PSMD12: variants seen among roughly 807,000 people sequenced by gnomAD.
The protein encoded by PSMD12 is 26S proteasome non-ATPase regulatory subunit 12.
Under a neutral mutation model 62.9 loss-of-function variants are expected in PSMD12, and 8 were observed. That is an observed-to-expected ratio of 0.13 (90% CI 0.07 to 0.23). The LOEUF is 0.23. PSMD12 is among the 10% of genes least tolerant of loss of function. The probability of loss-of-function intolerance (pLI) is 1.00; values close to 1 mark genes in which losing one functional copy is unlikely to be tolerated. For synonymous variants in PSMD12, 173 were observed against 187.4 expected (o/e 0.92, Z 0.63); for missense variants, 424 against 550.2 (o/e 0.77, Z 2.29).
chr17:67,362,427 C>A (rs1322279486), intron 1 of PSMD12, among the ~76,000 whole-genome samples: 6 of 152,156 alleles, frequency 3.9e-5, no homozygotes, highest in South Asian at 4.1e-4. Flanking sequence ...GTAATCCCAG[C>A]ATTCTGGGAG....
intron 3 of PSMD12, among the ~76,000 whole-genome samples, chr17:67,351,913 A>G (rs1567956602): frequency 6.6e-6 from 1 of 151,628 alleles, no homozygotes. Context: ...TCTGGCCAAC[A>G]TGGCAAAACC....
At position 67,345,779 on chromosome 17, in the gene PSMD12, C is replaced by G. The variant is rs199855819; in HGVS notation, c.874G>C (p.Gly292Arg). The G allele has an allele frequency of 6.2e-7, 1 of 1,612,746 alleles. No individual in the cohort carries two copies. Among genetic ancestry groups the G allele is most frequent in the Non-Finnish European group, 8.5e-7 (1 of 1,179,174 alleles). The change falls in exon 8 of 11, where the codon GGT becomes CGT. Residue 292 changes from glycine (G) to arginine (R), a missense_variant. Physicochemically the swap from Gly to Arg is moderately radical, Grantham distance 125. Coordinates refer to ENST00000356126, the MANE Select transcript of PSMD12 (RefSeq NM_002816.5). Reference sequence around the variant, plus strand: ...GGAATTTCTTCTAACTTCTTGTCACCACTTATTCGGTGAACCAAATCTGAC... The same window carrying G: ...GGAATTTCTTCTAACTTCTTGTCACGACTTATTCGGTGAACCAAATCTGAC... Reference protein sequence around the residue: ...EQSDLVHRISGDKKLEEIPKY... With the variant: ...EQSDLVHRISRDKKLEEIPKY...
rs398039153 is a variant in PSMD12, at chr17:67,358,567, C to CAAAAAA, written c.109-995_109-990dup. 4.4e-3 allele frequency among the ~76,000 whole-genome samples: 326 copies of CAAAAAA among 73,830 alleles called. 9 individuals carry two copies. Among genetic ancestry groups the CAAAAAA allele is most frequent in the Middle Eastern group, 0.027 (3 of 110 alleles). The allele number at this position is 73,830 out of a possible 152,430, so 48.4% of individuals were successfully genotyped here. A position where few individuals can be genotyped will look rare whatever the true frequency, so the allele number is the denominator to read the frequency against. On this transcript the variant is annotated intron_variant, in intron 1 of 10. Transcript: ENST00000356126. ...TGGGCGACAGAGTGAGAACCTGTCT[C>CAAAAAA]AAAAAAAAAAAAAAAAAAAGAAAAG...
intron 9 of PSMD12, 66 bp from the exon 10 acceptor site, chr17:67,342,329 T>C (rs1403411384): frequency 9.5e-7 from 1 of 1,049,722 alleles, no homozygotes; most frequent in Non-Finnish European, 1.4e-6. Context: ...AGTCCATTTA[T>C]TTTCATATCC....
chr17:67,359,197 A>C (rs899275389), intron 1 of PSMD12, among the ~76,000 whole-genome samples: 2 of 152,056 alleles, frequency 1.3e-5, no homozygotes, highest in African/African-American at 4.8e-5. Context: ...TCTACAAAAA[A>C]TTTACAAATT....
At chr17:67,364,069 A>T (rs1019464089) in intron 1 of PSMD12, among the ~76,000 whole-genome samples, 1 of 152,202 alleles carries the variant, frequency 6.6e-6, no homozygotes, top group African/African-American at 2.4e-5. Flanking sequence ...AATAAAAAAA[A>T]TAAATAAAAA....
At chr17:67,361,159 A>C (rs1381942286) in intron 1 of PSMD12, 1 of 152,240 alleles carries the variant, frequency 6.6e-6, no homozygotes, top group Non-Finnish European at 1.5e-5. Context: ...AAATGATGTA[A>C]GCGACTAATG....
Position 67,357,319 on chromosome 17 carries a change from C to T in PSMD12, c.281G>A (p.Arg94Gln), listed in dbSNP as rs751498177. The change falls in exon 3 of 11, where the codon CGG becomes CAG. Residue 94 changes from arginine (R) to glutamine (Q), a missense_variant. By Grantham distance (43) the Arg-to-Gln change is conservative. Transcript: ENST00000356126. The stretch of plus-strand genomic sequence containing the variant: ...TGAACTCACTTGTTTTAACTGACTC[C>T]GCCTTTTGGACAAAAGCATAATATT... ...NENIMLLSKR[R>Q]SQLKQAVAKM... 26 of 1,612,456 alleles carry T rather than the reference C, an allele frequency of 1.6e-5. No individual in the cohort carries two copies. The highest frequency in any genetic ancestry group is 9.4e-5 in the African/African-American group (7 of 74,856).
intron 3 of PSMD12, among the ~76,000 whole-genome samples, chr17:67,353,407 A>C (rs2143711614): frequency 6.6e-6 from 1 of 151,760 alleles, no homozygotes; most frequent in East Asian, 1.9e-4. Flanking sequence ...CCTGGGGTTC[A>C]AGCGATTCTC....
chr17:67,349,270 C>T (rs1325255897), intron 4 of PSMD12, among the ~76,000 whole-genome samples: 3 of 152,190 alleles, frequency 2.0e-5, no homozygotes, highest in East Asian at 1.9e-4. Context: ...CCGCCCACCT[C>T]GGCCTCCCAA....
intron 6 of PSMD12, 26 bp from the exon 7 acceptor site, chr17:67,347,276 T>G: frequency 6.2e-7 from 1 of 1,612,256 alleles, no homozygotes; most frequent in Non-Finnish European, 8.5e-7. Flanking sequence ...CAAAACAAAT[T>G]GGGGTTTATG....
At chr17:67,353,204 G>A (rs2042034439) in intron 3 of PSMD12, among the ~76,000 whole-genome samples, 1 of 152,122 alleles carries the variant, frequency 6.6e-6, no homozygotes, top group Admixed American at 6.6e-5. Context: ...AGTTACAGTT[G>A]GAGTGACCCC....
At chr17:67,364,107 A>G (rs1213627624) in intron 1 of PSMD12, among the ~76,000 whole-genome samples, 1 of 152,190 alleles carries the variant, frequency 6.6e-6, no homozygotes, top group East Asian at 1.9e-4. Flanking sequence ...GTTTAAAAAA[A>G]TTAACCAGGA....
At chr17:67,359,930 T>C (rs1444150897) in intron 1 of PSMD12, among the ~76,000 whole-genome samples, 4 of 152,344 alleles carry the variant, frequency 2.6e-5, no homozygotes, top group African/African-American at 9.6e-5. Context: ...CGGCTAGGCA[T>C]TATTTAATTC....
At chr17:67,348,405 A>G in intron 5 of PSMD12, 145 bp downstream of exon 5, 2 of 681,962 alleles carry the variant, frequency 2.9e-6, no homozygotes, top group South Asian at 3.6e-5. Context: ...GTATGAAAAA[A>G]GATGCCATTC....
intron 9 of PSMD12, among the ~76,000 whole-genome samples, chr17:67,342,956 A>G (rs111306053): frequency 3.2e-4 from 48 of 151,452 alleles, no homozygotes; most frequent in African/African-American, 1.1e-3. Context: ...AAAAAAAAAA[A>G]GATTAGACAT....
intron 1 of PSMD12, among the ~76,000 whole-genome samples, chr17:67,360,250 A>G (rs1188007549): frequency 6.6e-6 from 1 of 152,248 alleles, no homozygotes; most frequent in African/African-American, 2.4e-5. Flanking sequence ...ACTGTGATCA[A>G]TAAAGTGTGG....
chr17:67,344,742 C>T lies in PSMD12; in HGVS notation c.947G>A (p.Arg316His), dbSNP rs764051550. Residue 316 changes from arginine (R) to histidine (H), a missense_variant, in exon 9 of 11, where the codon CGT becomes CAT. Arg to His is a conservative substitution (Grantham distance 29). Transcript: ENST00000356126. ...LKLFTTMELM[R>H]WSTLVEDYGM... is the part of the protein sequence containing the mutation. ...ATAGTCCTCAACAAGTGTGGACCAA[C>T]GCATCAACTCCATTGTGGTAAAAAG... 71 of 1,606,744 alleles carry T rather than the reference C, an allele frequency of 4.4e-5. No individual in the cohort carries two copies. The highest frequency in any genetic ancestry group is 5.8e-5 in the Non-Finnish European group (68 of 1,175,470).
intron 9 of PSMD12, among the ~76,000 whole-genome samples, chr17:67,344,079 A>G (rs572567266): frequency 1.3e-5 from 2 of 152,296 alleles, no homozygotes; most frequent in Non-Finnish European, 2.9e-5. Flanking sequence ...GGCTCACAAT[A>G]AAGTTTGTTA....
Sources: allele counts gnomAD v4.1 joint callset (sites outside exome capture counted in the v4.1 genomes callset), GRCh38; gene constraint gnomAD v4.1.1; transcripts MANE v1.5; gene names NCBI Gene and HGNC (gene_info 2026-07-23, HGNC 2026-07-21).